The following CAP2 variants were observed in gnomAD, a reference collection of about 807,000 sequenced individuals.
CAP2 encodes cyclase associated actin cytoskeleton regulatory protein 2, also known as adenylyl cyclase-associated protein 2.
A neutral mutation model predicts 57.7 loss-of-function variants in CAP2; 24 were observed. That is an observed-to-expected ratio of 0.42 (90% CI 0.30 to 0.58). The LOEUF (loss-of-function observed/expected upper bound fraction) is 0.58, where lower values mean the gene tolerates loss of function less well. Ranked by LOEUF, CAP2 falls within the 20% of genes least tolerant of loss-of-function variation. The pLI is 0.22. For missense variants in CAP2, 501 were observed against 590.3 expected, an observed-to-expected ratio of 0.85 and a Z score of 1.57; for synonymous variants, 194 against 207.2, an observed-to-expected ratio of 0.94 and a Z score of 0.55.
chr6:17,401,933 G>A (rs758550181), intron 1 of CAP2, among the ~76,000 whole-genome samples: 2 of 152,066 alleles, frequency 1.3e-5, no homozygotes, highest in Non-Finnish European at 2.9e-5. Flanking sequence ...AAAGTCTTCA[G>A]TAATTGAAAA....
intron 11 of CAP2, among the ~76,000 whole-genome samples, chr6:17,544,556 T>C (rs1762995704): frequency 6.6e-6 from 1 of 152,062 alleles, no homozygotes; most frequent in Non-Finnish European, 1.5e-5. Context: ...TTTTTTTTTT[T>C]TGAGACAGAG....
chr6:17,461,933 CAGTGAGCTG>C (rs1405222081), intron 3 of CAP2, among the ~76,000 whole-genome samples: 1 of 127,414 alleles, frequency 7.8e-6, no homozygotes, highest in Non-Finnish European at 1.6e-5. Flanking sequence ...GCGGAGCTTG[CAGTGAGCTG>C]AGATCGCACC....
intron 2 of CAP2, 81 bp downstream of exon 2, chr6:17,421,757 A>G: frequency 1.3e-6 from 2 of 1,506,310 alleles, no homozygotes; most frequent in South Asian, 1.1e-5. Flanking sequence ...CTCAAGGAAC[A>G]TTTCTATTAT....
intron 2 of CAP2, among the ~76,000 whole-genome samples, chr6:17,423,262 G>A (rs1759494393): frequency 6.6e-6 from 1 of 152,160 alleles, no homozygotes; most frequent in Admixed American, 6.5e-5. Context: ...TGTGCTGGCT[G>A]GTTTATTTCC....
At chr6:17,429,150 G>T (rs1759664545) in intron 3 of CAP2, among the ~76,000 whole-genome samples, 2 of 152,264 alleles carry the variant, frequency 1.3e-5, no homozygotes, top group South Asian at 4.1e-4. Flanking sequence ...AAGAAACCTT[G>T]TATGCAGCAA....
intron 7 of CAP2, chr6:17,531,722 A>G: frequency 1.6e-6 from 1 of 624,356 alleles, no homozygotes; most frequent in Non-Finnish European, 2.8e-6. Context: ...TTAAAGTTGG[A>G]GATCAATGTC....
intron 1 of CAP2, among the ~76,000 whole-genome samples, chr6:17,420,017 G>A (rs1195731425): frequency 2.0e-5 from 3 of 152,106 alleles, no homozygotes; most frequent in East Asian, 3.9e-4. Flanking sequence ...GATTACAGGC[G>A]TGTGCCATCA....
At chr6:17,436,833 G>A (rs1021692335) in intron 3 of CAP2, among the ~76,000 whole-genome samples, 7 of 152,054 alleles carry the variant, frequency 4.6e-5, no homozygotes, top group Non-Finnish European at 8.8e-5. Flanking sequence ...GCAGGTGAGC[G>A]GCCAAAGCTT....
intron 4 of CAP2, among the ~76,000 whole-genome samples, chr6:17,501,326 G>A (rs1324310238): frequency 6.6e-6 from 1 of 151,936 alleles, no homozygotes; most frequent in East Asian, 1.9e-4. Context: ...TTACATCTAC[G>A]GGAAAAAAAA....
At position 17,557,468 on chromosome 6, in the gene CAP2, T is replaced by C. The variant is rs1046357461; in HGVS notation, c.*1026T>C. The C allele has an allele frequency of 1.3e-5, 2 of 152,200 alleles. No individual in the cohort carries two copies. The highest frequency in any genetic ancestry group is 4.8e-5 in the African/African-American group (2 of 41,448). 9.4% of individuals were successfully genotyped at this position (152,200 alleles called of 1,614,324 possible). ...TGCTTCTTCAGCGTAAGAGTAGCTA[T>C]GATATTCCTTTTTATCTTTTCAGTA... On this transcript the variant is annotated 3_prime_UTR_variant, in exon 13 of 13. Transcript: ENST00000229922.
At chr6:17,521,911 C>G (rs1429896429) in intron 7 of CAP2, among the ~76,000 whole-genome samples, 1 of 152,160 alleles carries the variant, frequency 6.6e-6, no homozygotes, top group Admixed American at 6.6e-5. Context: ...GAGTTCGAGA[C>G]CAGTGTTGCC....
intron 1 of CAP2, among the ~76,000 whole-genome samples, chr6:17,399,408 TGTCTTTA>T (rs1241137463): frequency 6.6e-6 from 1 of 152,216 alleles, no homozygotes; most frequent in East Asian, 1.9e-4. Flanking sequence ...GTTTTGTTTC[TGTCTTTA>T]GTAGACACTT....
chr6:17,519,604 G>A (rs536429680), intron 7 of CAP2, among the ~76,000 whole-genome samples: 4 of 152,192 alleles, frequency 2.6e-5, no homozygotes, highest in African/African-American at 4.8e-5. Flanking sequence ...AATGCACTTC[G>A]TTGAACAAAT....
At chr6:17,532,735 G>A (rs139405281) in intron 7 of CAP2, among the ~76,000 whole-genome samples, 1,900 of 118,182 alleles carry the variant, frequency 0.016, 43 homozygotes, top group African/African-American at 0.061. Context: ...GCGACTGAGC[G>A]ATACTAAAAA....
At chr6:17,548,478 A>G (rs189113637) in intron 11 of CAP2, among the ~76,000 whole-genome samples, 27 of 152,330 alleles carry the variant, frequency 1.8e-4, no homozygotes, top group Admixed American at 1.6e-3. Flanking sequence ...TAGCAAAAAA[A>G]GCAAACAGAA....
intron 7 of CAP2, among the ~76,000 whole-genome samples, chr6:17,531,962 G>T (rs1045553972): frequency 1.3e-5 from 2 of 151,926 alleles, no homozygotes; most frequent in African/African-American, 4.8e-5. Context: ...CAGAACGTAT[G>T]CCTGTTTCCT....
intron 1 of CAP2, among the ~76,000 whole-genome samples, chr6:17,402,139 G>A (rs1758833922): frequency 6.6e-6 from 1 of 152,148 alleles, no homozygotes; most frequent in African/African-American, 2.4e-5. Flanking sequence ...TTCCATATGT[G>A]CTTTTTTCCT....
chr6:17,433,896 C>T (rs1046702821), intron 3 of CAP2, among the ~76,000 whole-genome samples: 1 of 152,188 alleles, frequency 6.6e-6, no homozygotes, highest in Non-Finnish European at 1.5e-5. Flanking sequence ...TCATCTATCT[C>T]ACTAAACATC....
intron 4 of CAP2, among the ~76,000 whole-genome samples, chr6:17,465,846 A>G (rs1252471281): frequency 2.0e-5 from 3 of 152,120 alleles, no homozygotes; most frequent in African/African-American, 7.2e-5. Context: ...CATTTAACCT[A>G]AAACAAAAGG....
Sources: gnomAD v4.1 joint callset for allele counts (sites outside exome capture counted in the v4.1 genomes callset) on GRCh38, gnomAD v4.1.1 for gene constraint, MANE v1.5 for transcripts, NCBI Gene and HGNC (gene_info 2026-07-23, HGNC 2026-07-21) for gene names.